Variants in CIROZ observed in about 807,000 individuals in gnomAD.
CIROZ encodes the protein ciliated left-right organizer protein containing ZP-N domains, also known as ciliated left-right organizer ZP-N domains-containing protein.
At chr1:10,976,713 A>C in the CIROZ span, among the ~76,000 whole-genome samples, 5 of 152,006 alleles carry the variant, frequency 3.3e-5, no homozygotes, top group East Asian at 5.8e-4. Flanking sequence ...AAAAAAAAAA[A>C]AACCCATAAG....
chr1:10,962,648 C>T, the CIROZ span, among the ~76,000 whole-genome samples: 1 of 152,172 alleles, frequency 6.6e-6, no homozygotes, highest in Non-Finnish European at 1.5e-5. Flanking sequence ...TGGTCTGGCT[C>T]AAAGCCCAGC....
At chr1:10,964,790 C>T in the CIROZ span, among the ~76,000 whole-genome samples, 1 of 152,102 alleles carries the variant, frequency 6.6e-6, no homozygotes, top group Non-Finnish European at 1.5e-5. Context: ...GCCAACACGC[C>T]CGTCTAATTT....
At chr1:10,947,512 A>C in the CIROZ span, 2 of 610,554 alleles carry the variant, frequency 3.3e-6, no homozygotes, top group Non-Finnish European at 5.0e-6. Context: ...GGCTGAGCAC[A>C]GTGATCATCT....
the CIROZ span, among the ~76,000 whole-genome samples, chr1:10,978,309 A>G: frequency 6.6e-6 from 1 of 151,016 alleles, no homozygotes; most frequent in African/African-American, 2.4e-5. Flanking sequence ...TCAGTCTCCC[A>G]AAGTGCTGGG....
At chr1:10,955,096 A>C in the CIROZ span, 5 of 1,613,984 alleles carry the variant, frequency 3.1e-6, no homozygotes, top group Admixed American at 1.7e-5. Flanking sequence ...TCTGAGGCTC[A>C]GGGTTTCCTC....
the CIROZ span, among the ~76,000 whole-genome samples, chr1:10,979,220 C>T: frequency 6.6e-6 from 1 of 152,090 alleles, no homozygotes; most frequent in Non-Finnish European, 1.5e-5. Context: ...TCTTGAGCTC[C>T]TGGCTTCAAG....
the CIROZ span, among the ~76,000 whole-genome samples, chr1:10,951,743 AAAAT>A: frequency 1.8e-4 from 22 of 124,442 alleles, no homozygotes; most frequent in African/African-American, 7.2e-4. Context: ...AAAAAAAAAA[AAAAT>A]ATATATATAT....
At chr1:10,964,022 G>T in the CIROZ span, 3 of 1,399,456 alleles carry the variant, frequency 2.1e-6, no homozygotes, top group African/African-American at 2.9e-5. Context: ...GTCTCCCTGG[G>T]CCACGTCCTG....
At chr1:10,963,115 G>A in the CIROZ span, among the ~76,000 whole-genome samples, 7 of 152,060 alleles carry the variant, frequency 4.6e-5, no homozygotes, top group African/African-American at 7.2e-5. Flanking sequence ...CAGGCCGGGT[G>A]CAGTGGCTCC....
chr1:10,973,168 T>G, the CIROZ span, among the ~76,000 whole-genome samples: 1 of 151,676 alleles, frequency 6.6e-6, no homozygotes, highest in Admixed American at 6.6e-5. Flanking sequence ...AGGTGAAGAG[T>G]TCGAGACCAG....
the CIROZ span, chr1:10,958,767 A>G: frequency 7.1e-5 from 115 of 1,613,634 alleles, 1 homozygote; most frequent in Non-Finnish European, 9.4e-5. Context: ...AGAGACAAAG[A>G]GGAAGCAATG....
At chr1:10,963,292 G>A in the CIROZ span, among the ~76,000 whole-genome samples, 1 of 152,090 alleles carries the variant, frequency 6.6e-6, no homozygotes, top group Non-Finnish European at 1.5e-5. Context: ...GGGAGGCTGA[G>A]GCAGGAGAAT....
the CIROZ span, among the ~76,000 whole-genome samples, chr1:10,951,729 T>TAAAAA: frequency 0.013 from 1,450 of 109,520 alleles, 58 homozygotes; most frequent in African/African-American, 0.062. Flanking sequence ...TGTCTCTTAT[T>TAAAAA]TAAAAAAAAA....
chr1:10,957,752 G>A, the CIROZ span: 2 of 1,612,526 alleles, frequency 1.2e-6, no homozygotes, highest in Admixed American at 1.7e-5. Flanking sequence ...CAGCCATGGA[G>A]TCTGGAGAAA....
chr1:10,947,716 G>T, the CIROZ span: 1 of 1,552,674 alleles, frequency 6.4e-7, no homozygotes, highest in Non-Finnish European at 8.7e-7. Context: ...AGCTCAGGAG[G>T]CCTGTGGCTT....
chr1:10,978,425 C>T, the CIROZ span, among the ~76,000 whole-genome samples: 1 of 151,278 alleles, frequency 6.6e-6, no homozygotes, highest in East Asian at 2.0e-4. Context: ...GTCACGGAGT[C>T]CCGCTGGGCA....
At chr1:10,960,011 C>T in the CIROZ span, among the ~76,000 whole-genome samples, 1 of 152,162 alleles carries the variant, frequency 6.6e-6, no homozygotes, top group East Asian at 1.9e-4. This position sits in a 1 kb window ranked among gnomAD's most constrained non-coding sequence, Gnocchi z 4.6. Flanking sequence ...TGCCCCAGCC[C>T]ATCTCCCCTG....
chr1:10,947,767 G>T, the CIROZ span: 8 of 1,597,500 alleles, frequency 5.0e-6, no homozygotes, highest in Admixed American at 6.8e-5. Context: ...AGCTCCTGCT[G>T]GAGTGAGGCC....
chr1:10,957,921 C>T, the CIROZ span, among the ~76,000 whole-genome samples: 1 of 152,194 alleles, frequency 6.6e-6, no homozygotes, highest in South Asian at 2.1e-4. Flanking sequence ...GAGAGTCAAC[C>T]AGACGCTAGC....
Sources: gnomAD v4.1 joint callset for allele counts (sites outside exome capture counted in the v4.1 genomes callset) on GRCh38, gnomAD v4.1.1 for gene constraint, Gnocchi (gnomAD v3.1) non-coding constraint, MANE v1.5 for transcripts, NCBI Gene and HGNC (gene_info 2026-07-23, HGNC 2026-07-21) for gene names.